The following CASP6 variants were observed in gnomAD, a reference collection of about 807,000 sequenced individuals.
The protein encoded by CASP6 is caspase-6.
Under a neutral mutation model 31.8 loss-of-function variants are expected in CASP6, and 20 were observed. The ratio of observed to expected loss-of-function variants is 0.63; its 90% CI spans 0.44 to 0.91. CASP6 has a LOEUF of 0.91. CASP6 is among the 40% of genes least tolerant of loss of function. The probability of loss-of-function intolerance (pLI) is 0.00; values close to 1 mark genes in which losing one functional copy is unlikely to be tolerated. For missense variants in CASP6, 328 were observed against 361.1 expected (o/e 0.91, Z 0.74); for synonymous variants, 130 against 127.8 (o/e 1.02, Z -0.12).
the CASP6 span, among the ~76,000 whole-genome samples, chr4:109,708,679 G>GA: frequency 6.6e-6 from 1 of 152,272 alleles, no homozygotes; most frequent in Non-Finnish European, 1.5e-5. Context: ...CAGATGGAAG[G>GA]AATTTGTCAT....
the CASP6 span, among the ~76,000 whole-genome samples, chr4:109,674,677 G>A: frequency 7.0e-3 from 1,071 of 152,288 alleles, 10 homozygotes; most frequent in Admixed American, 0.012. Flanking sequence ...CATAATATTA[G>A]TATTTATTAA....
At position 109,694,642 on chromosome 4, in the gene CASP6, G is replaced by A. The variant is rs747485248; in HGVS notation, c.366C>T (p.Gly122=). 8.1e-6 allele frequency: 13 copies of A among 1,612,042 alleles called. No homozygotes were observed. Among genetic ancestry groups the A allele is most frequent in the East Asian group, 4.5e-5 (2 of 44,796 alleles). The change falls in exon 5 of 7, where the codon GGC becomes GGT. Residue 122 remains glycine, a synonymous_variant. Coordinates refer to ENST00000265164, the MANE Select transcript of CASP6 (RefSeq NM_001226.4). ...CATATGCATAAATGTGATTGCCTTC[G>A]CCATGGCTCAGGAAGACACACACAA... ...DCFVCVFLSH[G]EGNHIYAYDA...
chr4:109,706,342 G>T (rs1730619176), upstream of CASP6, among the ~76,000 whole-genome samples: 1 of 151,504 alleles, frequency 6.6e-6, no homozygotes, highest in South Asian at 2.1e-4. Context: ...AAGACAAATA[G>T]AATTGGAAGT....
intron 1 of CASP6, 43 bp downstream of exon 1, chr4:109,703,313 A>C (rs755804348): frequency 1.3e-6 from 2 of 1,588,966 alleles, no homozygotes; most frequent in South Asian, 1.1e-5. Flanking sequence ...AGCCGGAGCA[A>C]GACGCAGACC....
In CASP6 at chr4:109,697,705, G is replaced by T. The variant is rs949940632; in HGVS notation, c.147C>A (p.Ile49=). Residue 49 remains isoleucine, a synonymous_variant, in exon 3 of 7, where the codon ATC becomes ATA. Transcript: ENST00000265164. The part of the protein sequence containing the change: ...MDHRRRGIAL[I]FNHERFFWHL... ...GCCAAAAGAACCTCTCATGATTGAA[G>T]ATTAAAGCAATTCCTCTCCTCCTGT... 1.2e-6 allele frequency: 2 copies of T among 1,614,028 alleles called. No individual in the cohort carries two copies. The highest frequency in any genetic ancestry group is 2.2e-5 in the South Asian group (2 of 91,014).
chr4:109,666,032 G>A, the CASP6 span, among the ~76,000 whole-genome samples: 5 of 152,122 alleles, frequency 3.3e-5, no homozygotes, highest in South Asian at 6.2e-4. Flanking sequence ...AGTGATAAGG[G>A]AGGAGACGAG....
At chr4:109,702,888 C>T (rs1730466640) in intron 1 of CASP6, 1 of 155,418 alleles carries the variant, frequency 6.4e-6, no homozygotes, top group Non-Finnish European at 1.4e-5. Flanking sequence ...CCCCGCGGGC[C>T]TGTTATGTTT....
At position 109,697,574 on chromosome 4, in the gene CASP6, A is replaced by G. The variant is rs1730283979; in HGVS notation, c.230+48T>C. On this transcript the variant is annotated intron_variant, in intron 3 of 6. Coordinates refer to ENST00000265164, the MANE Select transcript of CASP6 (RefSeq NM_001226.4). ...GAACCACCACACCTGGCCAAAAGTA[A>G]TTTTATCACTTAACTGCCTCATCTT... 4.5e-6 allele frequency: 7 copies of G among 1,551,962 alleles called. No homozygotes were observed. The East Asian group carries it at 1.6e-4, about 35-fold the overall frequency.
At chr4:109,671,568 T>C in the CASP6 span, among the ~76,000 whole-genome samples, 1 of 152,194 alleles carries the variant, frequency 6.6e-6, no homozygotes, top group East Asian at 1.9e-4. Context: ...TTCTAGCAAT[T>C]CCTTTTGGTT....
At chr4:109,698,448 G>T in intron 1 of CASP6, 106 bp from the exon 2 acceptor site, 2 of 889,388 alleles carry the variant, frequency 2.2e-6, no homozygotes, top group Non-Finnish European at 3.3e-6. Flanking sequence ...AGACCCTTCT[G>T]TTTTGGTTAG....
At chr4:109,682,383 TG>T in the CASP6 span, among the ~76,000 whole-genome samples, 2 of 152,196 alleles carry the variant, frequency 1.3e-5, no homozygotes, top group Admixed American at 1.3e-4. Flanking sequence ...TGTTGTTTAC[TG>T]TGACTCTCTT....
upstream of CASP6, among the ~76,000 whole-genome samples, chr4:109,705,813 ATTT>A (rs1255793390): frequency 7.2e-6 from 1 of 139,162 alleles, no homozygotes; most frequent in African/African-American, 2.6e-5. Context: ...TGTCTCTACA[ATTT>A]TTTTTTTTTT....
intron 5 of CASP6, among the ~76,000 whole-genome samples, chr4:109,693,684 CAAA>C (rs1203586044): frequency 5.6e-5 from 4 of 71,024 alleles, no homozygotes; most frequent in Admixed American, 1.5e-4. Context: ...GACTCCATCT[CAAA>C]AAAAAAAAAA....
At chr4:109,665,502 C>T in the CASP6 span, among the ~76,000 whole-genome samples, 1 of 152,016 alleles carries the variant, frequency 6.6e-6, no homozygotes, top group African/African-American at 2.4e-5. Flanking sequence ...CAAACTCTAC[C>T]AAAATTCAAG....
At chr4:109,685,009 T>C (rs1729805344), downstream of CASP6, 1 of 403,792 alleles carries the variant, frequency 2.5e-6, no homozygotes, top group African/African-American at 2.1e-5. Flanking sequence ...ATTTCTTCCT[T>C]CTTCTTTCCC....
chr4:109,707,101 CATT>C (rs1730635685), upstream of CASP6, among the ~76,000 whole-genome samples: 1 of 152,128 alleles, frequency 6.6e-6, no homozygotes, highest in African/African-American at 2.4e-5. Flanking sequence ...AAGGTATATA[CATT>C]ATTTTTTTAG....
chr4:109,695,779 A>G (rs564575105), intron 4 of CASP6, among the ~76,000 whole-genome samples: 16 of 151,686 alleles, frequency 1.1e-4, no homozygotes, highest in Admixed American at 5.3e-4. Context: ...TAGAGCTTCC[A>G]AAAGAGTACT....
chr4:109,678,286 A>G, the CASP6 span, among the ~76,000 whole-genome samples: 1 of 151,824 alleles, frequency 6.6e-6, no homozygotes, highest in African/African-American at 2.4e-5. Flanking sequence ...TCTATTCGAC[A>G]AAACCGCCAT....
the CASP6 span, among the ~76,000 whole-genome samples, chr4:109,675,131 A>G: frequency 6.6e-6 from 1 of 152,258 alleles, no homozygotes; most frequent in East Asian, 1.9e-4. Context: ...ATTCTCTCTC[A>G]TTTTTGGCCT....
Sources: allele counts gnomAD v4.1 joint callset (sites outside exome capture counted in the v4.1 genomes callset), GRCh38; gene constraint gnomAD v4.1.1; transcripts MANE v1.5; gene names NCBI Gene and HGNC (gene_info 2026-07-23, HGNC 2026-07-21).